The following PLPPR5 variants were observed in gnomAD, a reference collection of about 807,000 sequenced individuals.
PLPPR5 encodes the protein phospholipid phosphatase related 5.
PLPPR5 carries 16 observed loss-of-function variants against 33.9 expected under a neutral mutation model. That is an observed-to-expected ratio of 0.47 (90% confidence interval 0.32 to 0.72). The LOEUF is 0.72. PLPPR5 is among the 30% of genes least tolerant of loss of function. The pLI, the probability that PLPPR5 is intolerant of heterozygous loss-of-function variation, is 0.03. For missense variants in PLPPR5, 301 were observed against 406.7 expected (o/e 0.74, Z 2.23); for synonymous variants, 163 against 150.3 (o/e 1.08, Z -0.62).
intron 1 of PLPPR5, among the ~76,000 whole-genome samples, chr1:98,985,390 C>A (rs183192572): frequency 6.6e-6 from 1 of 151,968 alleles, no homozygotes; most frequent in East Asian, 1.9e-4. Context: ...CAGATGACTG[C>A]GGTTTCAAAA....
chr1:98,959,771 A>C (rs1417485411), intron 1 of PLPPR5, among the ~76,000 whole-genome samples: 2 of 152,192 alleles, frequency 1.3e-5, no homozygotes, highest in South Asian at 2.1e-4. Flanking sequence ...TTAGGTTGAG[A>C]TAAGGCATCT....
intron 1 of PLPPR5, among the ~76,000 whole-genome samples, chr1:98,980,874 C>A (rs1652040059): frequency 6.6e-6 from 1 of 151,980 alleles, no homozygotes. Context: ...TTCATAATTG[C>A]ACAAATATTT....
At chr1:98,941,352 G>C (rs61784620) in intron 3 of PLPPR5, among the ~76,000 whole-genome samples, 28,539 of 151,758 alleles carry the variant, frequency 0.19, 3,245 homozygotes, top group Middle Eastern at 0.22. Flanking sequence ...CTCTTGATAA[G>C]ATCTGGGGGA....
intron 2 of PLPPR5, 75 bp downstream of exon 2, chr1:98,956,534 G>A: frequency 7.3e-7 from 1 of 1,363,902 alleles, no homozygotes; most frequent in Non-Finnish European, 9.7e-7. Flanking sequence ...CAGTTAACAT[G>A]TGGGTTATTT....
chr1:98,971,044 A>G (rs561269662), intron 1 of PLPPR5, among the ~76,000 whole-genome samples: 2 of 152,246 alleles, frequency 1.3e-5, no homozygotes, highest in African/African-American at 4.8e-5. Context: ...CATTTATTCA[A>G]ACGAGGAGTA....
At chr1:98,986,647 T>C (rs902757858) in intron 1 of PLPPR5, among the ~76,000 whole-genome samples, 2 of 151,774 alleles carry the variant, frequency 1.3e-5, no homozygotes, top group Non-Finnish European at 3.0e-5. Context: ...ATAAGAAAAC[T>C]GTAGAATATT....
intron 3 of PLPPR5, among the ~76,000 whole-genome samples, chr1:98,929,601 T>C (rs984259105): frequency 6.6e-6 from 1 of 152,228 alleles, no homozygotes; most frequent in Non-Finnish European, 1.5e-5. Flanking sequence ...GATCTGAATA[T>C]GCTCAGTAAC....
chr1:98,977,887 AG>A (rs1167001537), intron 1 of PLPPR5, among the ~76,000 whole-genome samples: 4 of 151,974 alleles, frequency 2.6e-5, no homozygotes, highest in African/African-American at 9.7e-5. Flanking sequence ...CTTACAAACC[AG>A]TAACCAAAGA....
intron 2 of PLPPR5, among the ~76,000 whole-genome samples, chr1:98,955,238 A>G (rs1650960443): frequency 6.6e-6 from 1 of 152,150 alleles, no homozygotes; most frequent in Non-Finnish European, 1.5e-5. Context: ...TTATAAAATC[A>G]TATAAGAAGA....
rs143455379 is a variant in PLPPR5 at position 98,988,321 on chromosome 1, A to G, written c.237+16114T>C. Among the ~76,000 whole-genome samples the G allele has an allele frequency of 2.0e-5, 3 of 152,254 alleles. No homozygotes were observed. In the East Asian group the frequency reaches 5.8e-4, roughly 29 times the overall value. On this transcript the variant is annotated intron_variant, in intron 1 of 5. Coordinates refer to ENST00000263177, the MANE Select transcript of PLPPR5 (RefSeq NM_001037317.2). ...GGCCAAGTTTAATGAGATTAGACCT[A>G]TGTTGTAAACAAATTGGTCTTACTC...
In PLPPR5 at chr1:98,892,459, T is replaced by G. The variant is rs41302764; in HGVS notation, c.*613A>C. 9.1e-4 allele frequency: 139 copies of G among 152,644 alleles called. No individual in the cohort carries two copies. The highest frequency in any genetic ancestry group is 1.4e-3 in the Non-Finnish European group (94 of 67,998). The allele number at this position is 152,644 out of a possible 1,614,324, so 9.5% of individuals were successfully genotyped here. A position where few individuals can be genotyped will look rare whatever the true frequency, so the allele number is the denominator to read the frequency against. The stretch of plus-strand genomic sequence containing the variant: ...AAAAGCAGAAGCACCAGTCTTAGAA[T>G]GTATAGTATGAATAGTATTTTAAGT... On this transcript the variant is annotated 3_prime_UTR_variant, in exon 6 of 6. Transcript: ENST00000263177.
At chr1:98,976,133 A>G (rs571979055) in intron 1 of PLPPR5, among the ~76,000 whole-genome samples, 1 of 151,012 alleles carries the variant, frequency 6.6e-6, no homozygotes, top group East Asian at 2.0e-4. Context: ...GATGCCATGA[A>G]TAACCTTTCT....
intron 3 of PLPPR5, among the ~76,000 whole-genome samples, chr1:98,952,262 CAGAAAA>C (rs1333088143): frequency 9.7e-5 from 11 of 113,074 alleles, no homozygotes; most frequent in African/African-American, 6.3e-5. Flanking sequence ...GACTCCGTCT[CAGAAAA>C]AAAAAAAAAA....
At chr1:98,984,416 C>T (rs1344117304) in intron 1 of PLPPR5, among the ~76,000 whole-genome samples, 1 of 151,976 alleles carries the variant, frequency 6.6e-6, no homozygotes, top group Non-Finnish European at 1.5e-5. Context: ...AAGTATTTGT[C>T]CCTGGAAGCT....
intron 1 of PLPPR5, among the ~76,000 whole-genome samples, chr1:99,000,415 A>C (rs1652793620): frequency 6.6e-6 from 1 of 152,100 alleles, no homozygotes; most frequent in Non-Finnish European, 1.5e-5. Flanking sequence ...AACTGAGAAA[A>C]TCTCTCAGCC....
intron 1 of PLPPR5, among the ~76,000 whole-genome samples, chr1:98,978,260 A>G (rs1651932481): frequency 6.6e-6 from 1 of 152,044 alleles, no homozygotes; most frequent in African/African-American, 2.4e-5. Flanking sequence ...GAGGGGTGCT[A>G]CATTTTCAAT....
intron 3 of PLPPR5, among the ~76,000 whole-genome samples, chr1:98,936,318 G>A (rs1479048332): frequency 6.6e-6 from 1 of 152,172 alleles, no homozygotes; most frequent in African/African-American, 2.4e-5. Flanking sequence ...TTTAGAGTGT[G>A]TAAAGAGCAT....
intron 1 of PLPPR5, 64 bp from the exon 2 acceptor site, chr1:98,956,805 T>C: frequency 7.7e-7 from 1 of 1,298,738 alleles, no homozygotes; most frequent in Non-Finnish European, 1.0e-6. Context: ...AAAATATTTT[T>C]ATTTTAAAAA....
chr1:98,897,487 C>T (rs1182664982), intron 5 of PLPPR5, among the ~76,000 whole-genome samples: 1 of 152,128 alleles, frequency 6.6e-6, no homozygotes, highest in East Asian at 1.9e-4. Flanking sequence ...GTTCTTACAT[C>T]GTTAGACCAA....
Sources: gnomAD v4.1 joint callset for allele counts (sites outside exome capture counted in the v4.1 genomes callset) on GRCh38, gnomAD v4.1.1 for gene constraint, MANE v1.5 for transcripts, NCBI Gene and HGNC (gene_info 2026-07-23, HGNC 2026-07-21) for gene names.